Variants in LPAR1 observed in about 807,000 individuals in gnomAD.
LPAR1 encodes the protein LPA receptor 1.
A neutral mutation model predicts 23.8 loss-of-function variants in LPAR1; 5 were observed. The ratio of observed to expected loss-of-function variants is 0.21; its 90% CI spans 0.11 to 0.44. The LOEUF is 0.44. Among genes scored for constraint, LPAR1 ranks in the 20% least tolerant of loss-of-function variants. LPAR1 has a pLI of 0.99. For synonymous variants in LPAR1, 160 were observed against 164.7 expected (o/e 0.97, Z 0.22); for missense variants, 311 against 482.8 (o/e 0.64, Z 3.33).
intron 5 of LPAR1, among the ~76,000 whole-genome samples, chr9:110,900,838 T>C (rs530782816): frequency 7.2e-4 from 110 of 152,362 alleles, no homozygotes; most frequent in Non-Finnish European, 1.3e-3. Context: ...ATTTGGCTAC[T>C]TGAACCCTCA....
At chr9:110,949,233 C>G (rs577943386) in intron 4 of LPAR1, among the ~76,000 whole-genome samples, 10 of 152,160 alleles carry the variant, frequency 6.6e-5, no homozygotes, top group Non-Finnish European at 1.3e-4. Flanking sequence ...TTCTCTCAAA[C>G]CAGCCTCACT....
chr9:110,909,465 A>G (rs1448017286), intron 5 of LPAR1, among the ~76,000 whole-genome samples: 1 of 152,188 alleles, frequency 6.6e-6, no homozygotes, highest in Non-Finnish European at 1.5e-5. Context: ...TGTTTCAGTA[A>G]CAGTATAAGT....
intron 2 of LPAR1, among the ~76,000 whole-genome samples, chr9:111,023,000 A>G (rs1364883295): frequency 6.7e-6 from 1 of 148,648 alleles, no homozygotes; most frequent in African/African-American, 2.5e-5. Context: ...GCAGTGAGCC[A>G]AGATCGCGCC....
At chr9:110,906,057 A>C (rs1009838201) in intron 5 of LPAR1, among the ~76,000 whole-genome samples, 4 of 152,358 alleles carry the variant, frequency 2.6e-5, no homozygotes, top group Admixed American at 1.3e-4. Flanking sequence ...CATAGGTAGC[A>C]ATGGATTTGG....
Position 110,972,084 on chromosome 9 carries a change from A to G in LPAR1, c.34T>C (p.Ser12Pro). ...AAISTSIPVI[S>P]QPQFTAMNEP... The stretch of plus-strand genomic sequence containing the variant: ...TTTGAAGCCCTTACCTGGGGCTGTG[A>G]AATTACAGGGATGGAAGTAGAGATG... The change falls in exon 4 of 6, where the codon TCA (serine) becomes CCA (proline). Residue 12 changes from serine (S) to proline (P), a missense_variant. Transcript: ENST00000683809. 1 of 1,613,972 alleles carries G rather than the reference A, an allele frequency of 6.2e-7. No individual in the cohort carries two copies. Among genetic ancestry groups the G allele is most frequent in the Non-Finnish European group, 8.5e-7 (1 of 1,179,872 alleles).
At chr9:110,883,448 AAAGG>A (rs1341357950) in intron 5 of LPAR1, among the ~76,000 whole-genome samples, 5 of 152,232 alleles carry the variant, frequency 3.3e-5, no homozygotes, top group African/African-American at 1.2e-4. Flanking sequence ...AATTTTTTAA[AAAGG>A]AAGGAAGAAC....
intron 2 of LPAR1, among the ~76,000 whole-genome samples, chr9:111,001,052 T>C (rs1026355634): frequency 2.0e-5 from 3 of 152,198 alleles, no homozygotes; most frequent in South Asian, 4.1e-4. Flanking sequence ...TTTTAAATAA[T>C]ACTCCTCAAA....
chr9:110,914,887 C>G (rs1361109063), intron 5 of LPAR1, among the ~76,000 whole-genome samples: 1 of 152,048 alleles, frequency 6.6e-6, no homozygotes, highest in East Asian at 1.9e-4. Flanking sequence ...AACTGCTAAT[C>G]TCATACTCAA....
chr9:110,918,665 G>T (rs900760517), intron 5 of LPAR1, among the ~76,000 whole-genome samples: 1 of 152,098 alleles, frequency 6.6e-6, no homozygotes, highest in Non-Finnish European at 1.5e-5. Flanking sequence ...GAAGGAACAG[G>T]TAAAGAGATA....
At chr9:110,953,430 G>A (rs1467049093) in intron 4 of LPAR1, among the ~76,000 whole-genome samples, 1 of 152,290 alleles carries the variant, frequency 6.6e-6, no homozygotes, top group Admixed American at 6.5e-5. Context: ...TTGGGAGGCC[G>A]AGGTGGACAG....
chr9:110,909,772 G>A (rs1349339600), intron 5 of LPAR1, among the ~76,000 whole-genome samples: 1 of 127,676 alleles, frequency 7.8e-6, no homozygotes, highest in Non-Finnish European at 1.6e-5. Context: ...TAGAGAGAGG[G>A]TCTGGCTCTG....
chr9:110,977,654 C>T (rs907757582), intron 2 of LPAR1, among the ~76,000 whole-genome samples: 2 of 152,044 alleles, frequency 1.3e-5, no homozygotes, highest in East Asian at 1.9e-4. Context: ...TACTAATGCA[C>T]GCGGGGCTTA....
At chr9:111,016,772 T>C (rs2097456109) in intron 2 of LPAR1, among the ~76,000 whole-genome samples, 1 of 152,266 alleles carries the variant, frequency 6.6e-6, no homozygotes, top group African/African-American at 2.4e-5. Context: ...CCACAAAGAA[T>C]GTGGAATGTC....
intron 2 of LPAR1, among the ~76,000 whole-genome samples, chr9:111,030,454 G>C (rs943054971): frequency 6.6e-6 from 1 of 152,188 alleles, no homozygotes; most frequent in Non-Finnish European, 1.5e-5. Flanking sequence ...CAAGGCGGGG[G>C]TCCTCACTGA....
chr9:110,970,652 C>A (rs10817126), intron 4 of LPAR1, among the ~76,000 whole-genome samples: 3 of 151,706 alleles, frequency 2.0e-5, no homozygotes, highest in Admixed American at 2.0e-4. Flanking sequence ...GGGAAAAATG[C>A]CCCTTGTTCT....
chr9:111,024,820 G>A (rs1016387649), intron 2 of LPAR1, among the ~76,000 whole-genome samples: 1 of 151,814 alleles, frequency 6.6e-6, no homozygotes, highest in African/African-American at 2.4e-5. Flanking sequence ...CTGTTCTTGT[G>A]TTAGTTTGCT....
chr9:110,919,567 A>T (rs1193242872), intron 5 of LPAR1, among the ~76,000 whole-genome samples: 1 of 152,220 alleles, frequency 6.6e-6, no homozygotes, highest in African/African-American at 2.4e-5. Flanking sequence ...GACAGAGACA[A>T]TTTGCATGGG....
chr9:110,877,147 G>T (rs962729635), intron 5 of LPAR1, among the ~76,000 whole-genome samples: 3 of 152,162 alleles, frequency 2.0e-5, no homozygotes, highest in African/African-American at 7.2e-5. Flanking sequence ...CAGCCTCAAG[G>T]AATTAGTTTC....
At chr9:110,890,273 CAT>C (rs908239388) in intron 5 of LPAR1, among the ~76,000 whole-genome samples, 6 of 152,054 alleles carry the variant, frequency 3.9e-5, no homozygotes, top group African/African-American at 1.2e-4. Context: ...AAACAAAAAA[CAT>C]AGAGAATATA....
Sources: allele counts gnomAD v4.1 joint callset (sites outside exome capture counted in the v4.1 genomes callset), GRCh38; gene constraint gnomAD v4.1.1; transcripts MANE v1.5; gene names NCBI Gene and HGNC (gene_info 2026-07-23, HGNC 2026-07-21).